Variants in PRKCE observed in about 807,000 individuals in gnomAD.
The protein encoded by PRKCE is protein kinase C epsilon type.
Under a neutral mutation model 85.4 loss-of-function variants are expected in PRKCE, and 16 were observed. That is an observed-to-expected ratio of 0.19 (90% CI 0.13 to 0.28). The LOEUF (loss-of-function observed/expected upper bound fraction) is 0.28, where lower values mean the gene tolerates loss of function less well. Among genes scored for constraint, PRKCE ranks in the 10% least tolerant of loss-of-function variants. The pLI is 1.00. For missense variants in PRKCE, 573 were observed against 975.2 expected (o/e 0.59, Z 5.49); for synonymous variants, 388 against 371.5 (o/e 1.04, Z -0.51).
chr2:46,160,880 T>C (rs1018039363), intron 14 of PRKCE, among the ~76,000 whole-genome samples: 2 of 152,200 alleles, frequency 1.3e-5, no homozygotes, highest in African/African-American at 4.8e-5. Context: ...TGGGGGATAG[T>C]GTCAGTGGAC....
chr2:45,703,976 G>A (rs922971280), intron 1 of PRKCE, among the ~76,000 whole-genome samples: 15 of 152,120 alleles, frequency 9.9e-5, no homozygotes, highest in Admixed American at 6.5e-5. Context: ...AATTTCACCT[G>A]GGTTAGGAGG....
chr2:45,927,334 C>T (rs939530500), intron 2 of PRKCE, among the ~76,000 whole-genome samples: 1 of 152,176 alleles, frequency 6.6e-6, no homozygotes, highest in Non-Finnish European at 1.5e-5. Context: ...CATTGACATG[C>T]CTCAATGTGC....
intron 2 of PRKCE, among the ~76,000 whole-genome samples, chr2:45,942,300 C>T (rs959652244): frequency 6.6e-6 from 1 of 152,144 alleles, no homozygotes; most frequent in Non-Finnish European, 1.5e-5. Flanking sequence ...TCTGGGTGCA[C>T]CCTGAAATGC....
intron 1 of PRKCE, among the ~76,000 whole-genome samples, chr2:45,837,182 G>A (rs1489508891): frequency 6.6e-6 from 1 of 152,242 alleles, no homozygotes; most frequent in Non-Finnish European, 1.5e-5. Context: ...TGCTGTTGTG[G>A]TTGTCAGAAC....
In PRKCE at chr2:46,041,511, A is replaced by G. The variant is rs895104436; in HGVS notation, c.1437+30994A>G. On this transcript the variant is annotated intron_variant, in intron 10 of 14. Coordinates refer to ENST00000306156, the MANE Select transcript of PRKCE (RefSeq NM_005400.3). The surrounding 1 kb of genome is among the most constrained non-coding windows in gnomAD (Gnocchi z 5.5). The stretch of plus-strand genomic sequence containing the variant: ...AAGAAAGGAAATTTATAGTGTGGAA[A>G]GTTGCAGCATTTGCAGGAACTATGG... Among the ~76,000 whole-genome samples, 1 of 152,230 alleles carries G rather than the reference A, an allele frequency of 6.6e-6. No individual in the cohort carries two copies. The highest frequency in any genetic ancestry group is 2.4e-5 in the African/African-American group (1 of 41,462).
intron 2 of PRKCE, among the ~76,000 whole-genome samples, chr2:45,861,511 A>G (rs1693159626): frequency 6.6e-6 from 1 of 152,236 alleles, no homozygotes; most frequent in Non-Finnish European, 1.5e-5. Flanking sequence ...AATATAGAGT[A>G]GAAATGCCCT....
chr2:46,007,536 T>C lies in PRKCE; in HGVS notation c.1138T>C (p.Ser380Pro). The C allele has an allele frequency of 6.3e-7, 1 of 1,599,766 alleles. No homozygotes were observed. The highest frequency in any genetic ancestry group is 8.5e-7 in the Non-Finnish European group (1 of 1,179,956). ...CCGAGGAGAGGAGCACCGGGCAGCATCGTCTCCTGATGGCCAGCTGATGAG... is the reference window on the plus strand; with the variant it reads ...CCGAGGAGAGGAGCACCGGGCAGCACCGTCTCCTGATGGCCAGCTGATGAG... Reference protein sequence around the residue: ...DNRGEEHRAASSPDGQLMSPG... With the variant: ...DNRGEEHRAAPSPDGQLMSPG... The change falls in exon 9 of 15, where the codon TCG becomes CCG. Residue 380 changes from serine (S) to proline (P), a missense_variant. Physicochemically the swap from Ser to Pro is moderately conservative, Grantham distance 74. This residue lies in a region of PRKCE where 117 missense variants were observed against 104.8 expected (regional missense o/e 1.12). Coordinates refer to ENST00000306156, the MANE Select transcript of PRKCE (RefSeq NM_005400.3).
intron 1 of PRKCE, among the ~76,000 whole-genome samples, chr2:45,674,459 CT>C (rs555110861): frequency 1.2e-3 from 186 of 152,266 alleles, no homozygotes; most frequent in Middle Eastern, 6.8e-3. Flanking sequence ...GGAGACCAGG[CT>C]ATTTCTGAGA....
chr2:46,118,970 G>C (rs961963052), intron 11 of PRKCE, among the ~76,000 whole-genome samples: 6 of 152,152 alleles, frequency 3.9e-5, no homozygotes, highest in Admixed American at 3.3e-4. Context: ...AGACTAAATG[G>C]GTTAGAAGTA....
chr2:46,099,881 C>A (rs918990259), intron 11 of PRKCE, among the ~76,000 whole-genome samples: 3 of 152,144 alleles, frequency 2.0e-5, no homozygotes, highest in African/African-American at 7.2e-5. Context: ...GTGTGCATGG[C>A]CCTATTTCAC....
intron 11 of PRKCE, among the ~76,000 whole-genome samples, chr2:46,102,751 C>G (rs1200919674): frequency 1.3e-5 from 2 of 152,110 alleles, no homozygotes; most frequent in African/African-American, 4.8e-5. Context: ...TGATGTTTTC[C>G]TCATGATTAG....
chr2:45,822,009 G>A (rs115053891), intron 1 of PRKCE, among the ~76,000 whole-genome samples: 2 of 152,150 alleles, frequency 1.3e-5, no homozygotes, highest in Admixed American at 6.5e-5. Flanking sequence ...TCTGAGGTGC[G>A]GGGCGTGGGA....
intron 2 of PRKCE, among the ~76,000 whole-genome samples, chr2:45,923,413 G>C (rs1573894428): frequency 6.6e-6 from 1 of 152,234 alleles, no homozygotes; most frequent in Non-Finnish European, 1.5e-5. Flanking sequence ...GGCTCACAGG[G>C]TAGGGTCTGA....
At chr2:45,944,070 T>G (rs2104253248) in intron 2 of PRKCE, among the ~76,000 whole-genome samples, 1 of 152,318 alleles carries the variant, frequency 6.6e-6, no homozygotes, top group East Asian at 1.9e-4. Flanking sequence ...ATGAATCTAT[T>G]CCAGGACTCA....
chr2:45,994,474 C>T (rs969102062), intron 6 of PRKCE, among the ~76,000 whole-genome samples: 1 of 152,176 alleles, frequency 6.6e-6, no homozygotes, highest in East Asian at 1.9e-4. Context: ...CCCTGGTAAC[C>T]ACTAAACTTT....
intron 6 of PRKCE, among the ~76,000 whole-genome samples, chr2:45,985,992 A>G (rs761180951): frequency 1.4e-4 from 21 of 152,250 alleles, no homozygotes; most frequent in Non-Finnish European, 2.4e-4. Flanking sequence ...ATTGAGTATG[A>G]AGAGAAAAAA....
At chr2:45,678,886 A>C (rs1331353976) in intron 1 of PRKCE, among the ~76,000 whole-genome samples, 3 of 152,194 alleles carry the variant, frequency 2.0e-5, no homozygotes, top group African/African-American at 7.2e-5. Flanking sequence ...ATTAACTTCT[A>C]CTATCACTCA....
At position 46,091,679 on chromosome 2, in the gene PRKCE, G is replaced by A. The variant is rs1285493667; in HGVS notation, c.1592+5317G>A. 2.0e-5 allele frequency among the ~76,000 whole-genome samples: 3 copies of A among 152,100 alleles called. No individual in the cohort carries two copies. In the South Asian group the frequency reaches 6.2e-4, roughly 32 times the overall value. ...TTATACCTGTCTCACAAAGTCGTAGGGATTTCATGAGTGAATAGGTCTAAG... is the reference window on the plus strand; with the variant it reads ...TTATACCTGTCTCACAAAGTCGTAGAGATTTCATGAGTGAATAGGTCTAAG... On this transcript the variant is annotated intron_variant, in intron 11 of 14. Transcript: ENST00000306156.
intron 2 of PRKCE, among the ~76,000 whole-genome samples, chr2:45,932,284 C>T (rs1296392111): frequency 6.6e-6 from 1 of 152,166 alleles, no homozygotes; most frequent in Non-Finnish European, 1.5e-5. Flanking sequence ...GTAGACTAGT[C>T]CATTGTGGGA....
Sources: gnomAD v4.1 joint callset for allele counts (sites outside exome capture counted in the v4.1 genomes callset) on GRCh38, gnomAD v4.1.1 for gene constraint, gnomAD v4.1.1 regional missense constraint, Gnocchi (gnomAD v3.1) non-coding constraint, MANE v1.5 for transcripts, NCBI Gene and HGNC (gene_info 2026-07-23, HGNC 2026-07-21) for gene names.